GPD1L: variants seen among roughly 807,000 people sequenced by gnomAD.
The protein encoded by GPD1L is glycerol-3-phosphate dehydrogenase 1 like.
Under a neutral mutation model 32.9 loss-of-function variants are expected in GPD1L, and 17 were observed. That is an observed-to-expected ratio of 0.52 (90% CI 0.35 to 0.78). GPD1L has a LOEUF of 0.78. Among genes scored for constraint, GPD1L ranks in the 30% least tolerant of loss-of-function variants. GPD1L has a pLI of 0.01. For missense variants in GPD1L, 361 were observed against 447.8 expected, an observed-to-expected ratio of 0.81 and a Z score of 1.75; for synonymous variants, 187 against 165.9, an observed-to-expected ratio of 1.13 and a Z score of -0.98.
At chr3:32,139,521 T>C (rs933534261) in intron 3 of GPD1L, among the ~76,000 whole-genome samples, 1 of 152,214 alleles carries the variant, frequency 6.6e-6, no homozygotes, top group East Asian at 1.9e-4. Context: ...TTTATGCATA[T>C]GAAATTCTGA....
intron 4 of GPD1L, among the ~76,000 whole-genome samples, chr3:32,144,830 C>T (rs1483453014): frequency 6.6e-6 from 1 of 150,882 alleles, no homozygotes; most frequent in Admixed American, 6.6e-5. Flanking sequence ...GGAACACACA[C>T]ACACACACAC....
chr3:32,150,815 C>T (rs1193696747), intron 5 of GPD1L, among the ~76,000 whole-genome samples: 1 of 152,144 alleles, frequency 6.6e-6, no homozygotes, highest in African/African-American at 2.4e-5. Context: ...AATGGCTGGA[C>T]GTCGTGGGTC....
intron 1 of GPD1L, among the ~76,000 whole-genome samples, chr3:32,125,501 T>G (rs1166664279): frequency 6.6e-6 from 1 of 152,180 alleles, no homozygotes; most frequent in Non-Finnish European, 1.5e-5. Flanking sequence ...GCACCATCCT[T>G]ATGTCTTCTC....
intron 1 of GPD1L, among the ~76,000 whole-genome samples, chr3:32,126,180 G>A (rs536471168): frequency 9.3e-4 from 142 of 152,290 alleles, no homozygotes; most frequent in Non-Finnish European, 9.8e-4. Flanking sequence ...GGGTGACAGA[G>A]TGAGATCCTG....
chr3:32,156,012 T>G (rs2125496225), intron 5 of GPD1L, among the ~76,000 whole-genome samples: 1 of 152,308 alleles, frequency 6.6e-6, no homozygotes, highest in African/African-American at 2.4e-5. Flanking sequence ...GTCCCTGCTC[T>G]TAGCCTCTGC....
Position 32,146,751 on chromosome 3 carries a change from GGGA to G in GPD1L, c.618+22_618+24del, listed in dbSNP as rs1700833027. On this transcript the variant is annotated intron_variant, in intron 5 of 7. Transcript: ENST00000282541. ...GCGCTTAAGGTAAAGTCAGCCTCAG[GGGA>G]GGAGTTCATCAAGCAAGGCAAATGT... 3 of 1,424,140 alleles carry G rather than the reference GGGA, an allele frequency of 2.1e-6. No individual in the cohort carries two copies. The highest frequency in any genetic ancestry group is 3.0e-6 in the Non-Finnish European group (3 of 1,008,358). The allele number at this position is 1,424,140 out of a possible 1,614,324, so 88.2% of individuals were successfully genotyped here.
At position 32,159,550 on chromosome 3, in the gene GPD1L, T is replaced by G; in HGVS notation, c.853-18T>G. 1 of 1,377,076 alleles carries G rather than the reference T, an allele frequency of 7.3e-7. No individual in the cohort carries two copies. Among genetic ancestry groups the G allele is most frequent in the Non-Finnish European group, 1.0e-6 (1 of 964,160 alleles). 85.3% of individuals were successfully genotyped at this position (1,377,076 alleles called of 1,614,324 possible). ...CTTTACCATAGTTTTTTTAAATATATAATCCTTTGTTTTTAAGACCATTGA... is the reference window on the plus strand; with the variant it reads ...CTTTACCATAGTTTTTTTAAATATAGAATCCTTTGTTTTTAAGACCATTGA... On this transcript the variant is annotated intron_variant, in intron 6 of 7. Transcript: ENST00000282541.
intron 1 of GPD1L, among the ~76,000 whole-genome samples, chr3:32,114,940 C>T (rs955328294): frequency 1.2e-4 from 19 of 152,110 alleles, no homozygotes; most frequent in East Asian, 5.8e-4. Flanking sequence ...CCGCAGACCT[C>T]TGTAGTGAGT....
At chr3:32,134,543 G>A (rs551720100) in intron 2 of GPD1L, among the ~76,000 whole-genome samples, 5 of 152,238 alleles carry the variant, frequency 3.3e-5, no homozygotes, top group Non-Finnish European at 5.9e-5. Flanking sequence ...CTGGAGTACA[G>A]TGGTGCAATC....
At chr3:32,137,489 T>C (rs1342843628) in intron 2 of GPD1L, among the ~76,000 whole-genome samples, 1 of 152,170 alleles carries the variant, frequency 6.6e-6, no homozygotes, top group Non-Finnish European at 1.5e-5. Context: ...CCAGGACATT[T>C]TCTAGAAGTC....
At chr3:32,150,859 G>A (rs577974643) in intron 5 of GPD1L, among the ~76,000 whole-genome samples, 1 of 152,272 alleles carries the variant, frequency 6.6e-6, no homozygotes, top group African/African-American at 2.4e-5. Context: ...GGAGGCCGAG[G>A]TGGGAAGACT....
At chr3:32,158,441 T>G in intron 5 of GPD1L, 1 of 239,744 alleles carries the variant, frequency 4.2e-6, no homozygotes, top group South Asian at 5.2e-5. Flanking sequence ...CCTTGATCAG[T>G]GTGCTGGCTA....
intron 5 of GPD1L, chr3:32,151,126 C>T: frequency 3.9e-6 from 2 of 512,914 alleles, no homozygotes; most frequent in South Asian, 1.7e-5. Context: ...AGCTCAGGCT[C>T]CTTCCCACTG....
rs979356980 is a variant in GPD1L at position 32,138,462 on chromosome 3, CT to C, written c.226-123del. On this transcript the variant is annotated intron_variant, in intron 2 of 7. Transcript: ENST00000282541. ...AGGCAAAGCAAACACACTTGCCTTC[CT>C]TGTCTATCTGTGCAATGCTCTGCAC... The C allele has an allele frequency of 6.5e-6, 6 of 924,182 alleles. No individual in the cohort carries two copies. In the African/African-American group the frequency reaches 9.9e-5, roughly 15 times the overall value. 57.2% of individuals were successfully genotyped at this position (924,182 alleles called of 1,614,324 possible). A position where few individuals can be genotyped will look rare whatever the true frequency, so the allele number is the denominator to read the frequency against.
chr3:32,123,279 G>T (rs1217243661), intron 1 of GPD1L, among the ~76,000 whole-genome samples: 1 of 152,156 alleles, frequency 6.6e-6, no homozygotes, highest in Non-Finnish European at 1.5e-5. Flanking sequence ...ACAAAACCCA[G>T]TAGAATGAAA....
intron 5 of GPD1L, among the ~76,000 whole-genome samples, chr3:32,152,529 G>A (rs1047795072): frequency 6.6e-5 from 10 of 152,140 alleles, no homozygotes; most frequent in African/African-American, 9.7e-5. Flanking sequence ...GGGGAGGAGC[G>A]CTGACCCTCA....
intron 1 of GPD1L, among the ~76,000 whole-genome samples, chr3:32,127,374 C>CACAGA (rs1272348332): frequency 2.0e-5 from 3 of 152,230 alleles, no homozygotes; most frequent in African/African-American, 7.2e-5. Flanking sequence ...GTGAGATGGA[C>CACAGA]ACAGGTGCCT....
intron 1 of GPD1L, among the ~76,000 whole-genome samples, chr3:32,114,645 C>T (rs1243885240): frequency 6.6e-6 from 1 of 152,206 alleles, no homozygotes; most frequent in African/African-American, 2.4e-5. Context: ...TGTTTCCGGA[C>T]TTGGTTCCTT....
intron 2 of GPD1L, among the ~76,000 whole-genome samples, chr3:32,136,650 C>A (rs1575114280): frequency 1.3e-5 from 2 of 152,164 alleles, no homozygotes. Context: ...AGGTAATAGG[C>A]TAAGATACTG....
Sources: allele counts gnomAD v4.1 joint callset (sites outside exome capture counted in the v4.1 genomes callset), GRCh38; gene constraint gnomAD v4.1.1; transcripts MANE v1.5; gene names NCBI Gene and HGNC (gene_info 2026-07-23, HGNC 2026-07-21).